Variants in GRM8 observed in about 807,000 individuals in gnomAD.
GRM8 encodes the protein metabotropic glutamate receptor 8.
In GRM8, 47 loss-of-function variants were observed where a neutral mutation model predicts 87.2. The ratio of observed to expected loss-of-function variants is 0.54; its 90% CI spans 0.43 to 0.69. GRM8 has a LOEUF of 0.69. Among genes scored for constraint, GRM8 ranks in the 30% least tolerant of loss-of-function variants. The pLI, the probability that GRM8 is intolerant of heterozygous loss-of-function variation, is 0.00. For missense variants in GRM8, 1,019 were observed against 1,139.2 expected, an observed-to-expected ratio of 0.89 and a Z score of 1.52; for synonymous variants, 396 against 404.5, an observed-to-expected ratio of 0.98 and a Z score of 0.25.
At chr7:126,865,900 A>C (rs1197549181) in intron 6 of GRM8, among the ~76,000 whole-genome samples, 1 of 152,168 alleles carries the variant, frequency 6.6e-6, no homozygotes, top group African/African-American at 2.4e-5. Context: ...TTCATATACA[A>C]ATTTTTGTGT....
chr7:127,055,727 A>G (rs1200511975), intron 3 of GRM8, among the ~76,000 whole-genome samples: 1 of 152,092 alleles, frequency 6.6e-6, no homozygotes, highest in Non-Finnish European at 1.5e-5. Flanking sequence ...AAAAAACACC[A>G]AAGCCCTCAT....
intron 7 of GRM8, among the ~76,000 whole-genome samples, chr7:126,663,946 T>C (rs893975666): frequency 2.0e-5 from 3 of 152,166 alleles, no homozygotes; most frequent in African/African-American, 7.2e-5. Context: ...TAGTAAAGTG[T>C]CCGGATACAA....
chr7:126,507,144 C>G (rs559485622), intron 9 of GRM8, among the ~76,000 whole-genome samples: 4 of 152,174 alleles, frequency 2.6e-5, no homozygotes, highest in African/African-American at 7.2e-5. Context: ...CTCAATGAAG[C>G]CTTCCAAATC....
In GRM8 at chr7:126,978,289, A is replaced by G. The variant is rs116826471; in HGVS notation, c.728-73606T>C. 9.6e-3 allele frequency among the ~76,000 whole-genome samples: 1,455 copies of G among 152,276 alleles called. 23 individuals are homozygous for G. Among genetic ancestry groups the G allele is most frequent in the African/African-American group, 0.032 (1,334 of 41,560 alleles). On this transcript the variant is annotated intron_variant, in intron 3 of 10. Coordinates refer to ENST00000339582, the MANE Select transcript of GRM8 (RefSeq NM_000845.3). Reference sequence around the variant, plus strand: ...GGAAGCAAAAGCCCCACTTATCTCTATATAGCCTGGACAACCCATGAAGTA... The same window carrying G: ...GGAAGCAAAAGCCCCACTTATCTCTGTATAGCCTGGACAACCCATGAAGTA...
chr7:126,788,614 T>C (rs1418263758), intron 6 of GRM8, among the ~76,000 whole-genome samples: 1 of 151,884 alleles, frequency 6.6e-6, no homozygotes, highest in Non-Finnish European at 1.5e-5. Context: ...TACAATTGTG[T>C]TAAATGACAT....
chr7:126,834,648 C>G (rs149526574), intron 6 of GRM8, among the ~76,000 whole-genome samples: 216 of 152,278 alleles, frequency 1.4e-3, no homozygotes, highest in African/African-American at 4.6e-3. Flanking sequence ...ATTAAAAACC[C>G]TGAATTGACA....
chr7:126,955,802 T>C (rs1808615665), intron 3 of GRM8, among the ~76,000 whole-genome samples: 1 of 152,304 alleles, frequency 6.6e-6, no homozygotes, highest in Admixed American at 6.5e-5. Context: ...TTAAAGAATA[T>C]GTGGATCTCG....
rs569316985 is a variant in GRM8, at chr7:126,533,368, G to A, written c.2014C>T (p.Arg672Cys). ...CCCTGCTCAAATATTCGGTGGATAC[G>A]GTTTGTTTTGGTCAGAAGGGCTGCA... is the stretch of plus-strand genomic sequence containing the variant. ...SYAALLTKTN[R>C]IHRIFEQGKK... is the part of the protein sequence containing the mutation. Residue 672 changes from arginine to cysteine, a missense_variant, in exon 9 of 11, where the codon CGT (arginine) becomes TGT (cysteine). Arg to Cys is a radical substitution (Grantham distance 180). Coordinates refer to ENST00000339582, the MANE Select transcript of GRM8 (RefSeq NM_000845.3). The A allele has an allele frequency of 6.8e-6, 11 of 1,613,924 alleles. No homozygotes were observed. Among genetic ancestry groups the A allele is most frequent in the East Asian group, 2.2e-5 (1 of 44,864 alleles).
intron 9 of GRM8, among the ~76,000 whole-genome samples, chr7:126,472,004 A>C (rs1805324464): frequency 6.6e-6 from 1 of 152,120 alleles, no homozygotes; most frequent in African/African-American, 2.4e-5. Flanking sequence ...TTATTGGTGT[A>C]TAAGAATGCT....
At chr7:126,782,108 T>C (rs751247863) in intron 6 of GRM8, among the ~76,000 whole-genome samples, 4 of 152,202 alleles carry the variant, frequency 2.6e-5, no homozygotes, top group Non-Finnish European at 5.9e-5. Context: ...AAAGAAAACA[T>C]GTAGAAATCA....
chr7:126,565,858 A>C (rs1440579575), intron 8 of GRM8, among the ~76,000 whole-genome samples: 1 of 152,174 alleles, frequency 6.6e-6, no homozygotes, highest in Non-Finnish European at 1.5e-5. Flanking sequence ...ATAGAACAGA[A>C]TAGAGACCCC....
chr7:127,251,747 C>T (rs886758815), intron 1 of GRM8, among the ~76,000 whole-genome samples: 2 of 151,760 alleles, frequency 1.3e-5, no homozygotes, highest in African/African-American at 4.8e-5. Flanking sequence ...GCCGCGCCAG[C>T]CGCGGGAGCT....
chr7:127,015,189 A>G (rs1815475752), intron 3 of GRM8, among the ~76,000 whole-genome samples: 1 of 57,832 alleles, frequency 1.7e-5, no homozygotes, highest in African/African-American at 6.4e-5. Context: ...AAGAAGAAGA[A>G]GAAGAAGAAG....
chr7:127,096,292 G>C (rs992815042), intron 3 of GRM8, among the ~76,000 whole-genome samples: 1 of 152,148 alleles, frequency 6.6e-6, no homozygotes, highest in African/African-American at 2.4e-5. Flanking sequence ...GGGTGTGGTG[G>C]TTCATGCCTG....
chr7:126,572,247 GC>G (rs1794746189), intron 8 of GRM8, among the ~76,000 whole-genome samples: 1 of 152,064 alleles, frequency 6.6e-6, no homozygotes, highest in Non-Finnish European at 1.5e-5. Flanking sequence ...AATGCATAAA[GC>G]AAAAAGATAA....
intron 7 of GRM8, among the ~76,000 whole-genome samples, chr7:126,751,358 T>C (rs1010800429): frequency 1.3e-5 from 2 of 152,122 alleles, no homozygotes; most frequent in African/African-American, 4.8e-5. Flanking sequence ...GAGAGAACAA[T>C]TTAAACATTA....
chr7:126,707,527 T>C (rs1810649750), intron 7 of GRM8, among the ~76,000 whole-genome samples: 1 of 152,286 alleles, frequency 6.6e-6, no homozygotes, highest in Middle Eastern at 3.4e-3. Context: ...TTACTTCTCC[T>C]ATACTCTAGG....
intron 8 of GRM8, among the ~76,000 whole-genome samples, chr7:126,558,230 G>A (rs554967909): frequency 1.3e-5 from 2 of 152,278 alleles, no homozygotes; most frequent in East Asian, 3.9e-4. Context: ...ATGGCTAATA[G>A]CTTACAACTG....
intron 3 of GRM8, among the ~76,000 whole-genome samples, chr7:126,993,202 T>C (rs1189207137): frequency 6.6e-6 from 1 of 152,106 alleles, no homozygotes; most frequent in Non-Finnish European, 1.5e-5. Flanking sequence ...GGCATATACA[T>C]AATAAAAAAC....
Sources: allele counts gnomAD v4.1 joint callset (sites outside exome capture counted in the v4.1 genomes callset), GRCh38; gene constraint gnomAD v4.1.1; transcripts MANE v1.5; gene names NCBI Gene and HGNC (gene_info 2026-07-23, HGNC 2026-07-21).